Variants in GDPD4 observed in about 807,000 individuals in gnomAD.
GDPD4 encodes the protein glycerophosphodiester phosphodiesterase 6.
GDPD4 carries 60 observed loss-of-function variants against 67.8 expected under a neutral mutation model. The ratio of observed to expected loss-of-function variants is 0.88; its 90% CI spans 0.72 to 1.10. The LOEUF is 1.10. Ranked by LOEUF, GDPD4 falls within the 50% of genes least tolerant of loss-of-function variation. The probability of loss-of-function intolerance (pLI) is 0.00; values close to 1 mark genes in which losing one functional copy is unlikely to be tolerated. For missense variants in GDPD4, 623 were observed against 613.9 expected (o/e 1.01, Z -0.16); for synonymous variants, 212 against 210.9 (o/e 1.00, Z -0.04).
chr11:77,254,021 GTAGTT>G (rs1958955890), intron 11 of GDPD4, among the ~76,000 whole-genome samples: 1 of 152,078 alleles, frequency 6.6e-6, no homozygotes, highest in Non-Finnish European at 1.5e-5. Context: ...TGGTTCCCCA[GTAGTT>G]TAGCATAAGG....
chr11:77,252,062 TTTG>T (rs1958913230), intron 11 of GDPD4, among the ~76,000 whole-genome samples: 4 of 125,326 alleles, frequency 3.2e-5, no homozygotes, highest in African/African-American at 9.1e-5. Flanking sequence ...TTGTTTTTTT[TTTG>T]TTTTTTTTTT....
At chr11:77,221,656 G>A (rs1228988615) in intron 16 of GDPD4, among the ~76,000 whole-genome samples, 1 of 152,138 alleles carries the variant, frequency 6.6e-6, no homozygotes, top group Non-Finnish European at 1.5e-5. Flanking sequence ...TTCCAACTAT[G>A]TGGTCAGTTT....
chr11:77,277,031 C>T (rs1027892657), intron 4 of GDPD4, among the ~76,000 whole-genome samples: 2 of 152,016 alleles, frequency 1.3e-5, no homozygotes. Flanking sequence ...ACTATTGTTG[C>T]CATTGCATGT....
chr11:77,218,510 G>C (rs1958168362), intron 16 of GDPD4, among the ~76,000 whole-genome samples: 1 of 152,064 alleles, frequency 6.6e-6, no homozygotes, highest in Non-Finnish European at 1.5e-5. Context: ...ATTTACATTA[G>C]GTATTTCTCC....
chr11:77,236,973 T>C (rs1958581316), intron 13 of GDPD4, among the ~76,000 whole-genome samples: 1 of 152,016 alleles, frequency 6.6e-6, no homozygotes, highest in African/African-American at 2.4e-5. Context: ...CCAGGAAGAG[T>C]AGCCTTATAT....
At chr11:77,297,844 G>C (rs922108869) in intron 1 of GDPD4, among the ~76,000 whole-genome samples, 8 of 152,110 alleles carry the variant, frequency 5.3e-5, no homozygotes, top group Non-Finnish European at 1.2e-4. Context: ...TAGGTTATGC[G>C]TCAAGGGCAA....
rs567924678 is a variant in GDPD4, at chr11:77,245,488, G to A, written c.879C>T (p.Tyr293=). The A allele has an allele frequency of 6.2e-6, 10 of 1,613,212 alleles. No individual in the cohort carries two copies. The African/African-American group carries it at 8.0e-5, about 13-fold the overall frequency. Residue 293 remains tyrosine, a synonymous_variant, in exon 12 of 17, where the codon TAC becomes TAT. Transcript: ENST00000315938. ...WFVKPELRPF[Y]NMKPLSEADK... ...CTGCCTCTGATAGAGGTTTCATATTGTAAAATGGCCTGAGCTAGAAACAAA... is the reference window on the plus strand; with the variant it reads ...CTGCCTCTGATAGAGGTTTCATATTATAAAATGGCCTGAGCTAGAAACAAA...
At chr11:77,269,172 G>T in intron 8 of GDPD4, 103 bp from the exon 9 acceptor site, 1 of 976,298 alleles carries the variant, frequency 1.0e-6, no homozygotes, top group Non-Finnish European at 1.5e-6. Context: ...ACAGTCCATG[G>T]GTTTCATTGA....
rs768564634 is a variant in GDPD4, at chr11:77,269,099, G to A, written c.479-30C>T. On this transcript the variant is annotated intron_variant, in intron 8 of 16. Transcript: ENST00000315938. ...AAAATTTGAAAGGAAGGGGAAGTGG[G>A]GGAAAAAGAGATAAAGAGGGATGGA... 3.1e-6 allele frequency: 5 copies of A among 1,603,816 alleles called. No individual in the cohort carries two copies. In the East Asian group the frequency reaches 1.1e-4, roughly 36 times the overall value.
intron 1 of GDPD4, among the ~76,000 whole-genome samples, chr11:77,290,412 G>C (rs1411284956): frequency 6.6e-6 from 1 of 152,058 alleles, no homozygotes; most frequent in Non-Finnish European, 1.5e-5. Flanking sequence ...ATCACATTAA[G>C]TATCTTTTCT....
intron 4 of GDPD4, among the ~76,000 whole-genome samples, chr11:77,276,694 T>C (rs1186001981): frequency 6.6e-6 from 1 of 152,174 alleles, no homozygotes; most frequent in Admixed American, 6.5e-5. Flanking sequence ...TTAACACTGG[T>C]ATAGATTCAA....
intron 1 of GDPD4, among the ~76,000 whole-genome samples, chr11:77,292,033 A>AAAT (rs544979115): frequency 2.0e-5 from 3 of 152,110 alleles, no homozygotes; most frequent in Non-Finnish European, 4.4e-5. Context: ...TCTCAAAAAA[A>AAAT]AATTATTATT....
At chr11:77,298,549 A>G (rs528576782) in intron 1 of GDPD4, among the ~76,000 whole-genome samples, 1 of 152,218 alleles carries the variant, frequency 6.6e-6, no homozygotes, top group Non-Finnish European at 1.5e-5. Context: ...GAGTTTGTCT[A>G]AAGACCTGGG....
chr11:77,263,207 T>C (rs913126276), intron 10 of GDPD4, among the ~76,000 whole-genome samples: 2 of 152,056 alleles, frequency 1.3e-5, no homozygotes, highest in Non-Finnish European at 2.9e-5. Flanking sequence ...AAATGATAAA[T>C]ACGTGAGTAA....
intron 10 of GDPD4, among the ~76,000 whole-genome samples, chr11:77,259,043 G>C (rs1959062249): frequency 6.6e-6 from 1 of 152,152 alleles, no homozygotes; most frequent in Non-Finnish European, 1.5e-5. Context: ...GGAGTGCAGT[G>C]GCATGATCTC....
intron 13 of GDPD4, among the ~76,000 whole-genome samples, chr11:77,241,638 T>A (rs147942992): frequency 4.9e-5 from 3 of 60,820 alleles, no homozygotes; most frequent in African/African-American, 1.4e-4. Flanking sequence ...ACCCTGTCTT[T>A]AAAAAAAAAA....
chr11:77,280,074 G>A (rs1012056066), intron 3 of GDPD4, among the ~76,000 whole-genome samples: 23 of 152,072 alleles, frequency 1.5e-4, no homozygotes, highest in Admixed American at 2.0e-4. Flanking sequence ...AATTCTCTTG[G>A]ACAAGAGCTG....
At chr11:77,218,443 GGTTT>G (rs1226533939) in intron 16 of GDPD4, among the ~76,000 whole-genome samples, 2 of 152,082 alleles carry the variant, frequency 1.3e-5, no homozygotes, top group African/African-American at 4.8e-5. Context: ...ACAATGTGCA[GGTTT>G]GTTACATATG....
intron 3 of GDPD4, among the ~76,000 whole-genome samples, chr11:77,279,641 C>T (rs1290827572): frequency 6.6e-6 from 1 of 151,880 alleles, no homozygotes; most frequent in Non-Finnish European, 1.5e-5. Flanking sequence ...ACTTAGAATA[C>T]ATATTTAAAA....
Sources: gnomAD v4.1 joint callset for allele counts (sites outside exome capture counted in the v4.1 genomes callset) on GRCh38, gnomAD v4.1.1 for gene constraint, MANE v1.5 for transcripts, NCBI Gene and HGNC (gene_info 2026-07-23, HGNC 2026-07-21) for gene names.